MICU2: variants seen among roughly 807,000 people sequenced by gnomAD.
The protein encoded by MICU2 is calcium uptake protein 2, mitochondrial.
MICU2 carries 64 observed loss-of-function variants against 60.4 expected under a neutral mutation model. The ratio of observed to expected loss-of-function variants is 1.06; its 90% CI spans 0.87 to 1.31. MICU2 has a LOEUF of 1.31. Ranked by LOEUF, MICU2 falls within the 50% of genes most tolerant of loss-of-function variation. The probability of loss-of-function intolerance (pLI) is 0.00; values close to 1 mark genes in which losing one functional copy is unlikely to be tolerated. For synonymous variants in MICU2, 201 were observed against 175.0 expected (o/e 1.15, Z -1.17); for missense variants, 569 against 531.0 (o/e 1.07, Z -0.70).
chr13:21,503,036 A>G lies in MICU2; in HGVS notation c.823T>C (p.Leu275=), dbSNP rs1381216753. The change falls in exon 9 of 12, where the codon TTG becomes CTG. Residue 275 remains leucine (L), a synonymous_variant. Transcript: ENST00000382374. ...AAGTCTTCTTTTCTCATGAAACTCA[A>G]ACCTTTAGAAAACTGAAGGAATTCC... is the stretch of plus-strand genomic sequence containing the variant. ...EMEFLQFSKG[L]SFMRKEDFAE... is the part of the protein sequence containing the mutation. 1.2e-6 allele frequency: 2 copies of G among 1,608,732 alleles called. No homozygotes were observed. Among genetic ancestry groups the G allele is most frequent in the Non-Finnish European group, 1.7e-6 (2 of 1,178,472 alleles).
Position 21,521,335 on chromosome 13 carries a change from G to A in MICU2, c.515-8C>T, listed in dbSNP as rs1886712394. 6.2e-7 allele frequency: 1 copy of A among 1,601,420 alleles called. No homozygotes were observed. Among genetic ancestry groups the A allele is most frequent in the African/African-American group, 1.3e-5 (1 of 74,226 alleles). The stretch of plus-strand genomic sequence containing the variant: ...GAAATCCAGAATGGGGTTCTGCAGT[G>A]AAGTGAAAAATGAATATTTAAATGT... On this transcript the variant is annotated splice_region_variant and splice_polypyrimidine_tract_variant and intron_variant, in intron 5 of 11. Transcript: ENST00000382374.
At chr13:21,602,444 C>A (rs1021488398) in intron 1 of MICU2, among the ~76,000 whole-genome samples, 1 of 152,170 alleles carries the variant, frequency 6.6e-6, no homozygotes, top group Non-Finnish European at 1.5e-5. Context: ...ATGGCGTGAA[C>A]CCGGGAGGCG....
Position 21,514,381 on chromosome 13 carries a change from GTCA to G in MICU2, c.632_634del (p.Met211del), listed in dbSNP as rs746514244. 2 of 1,613,276 alleles carry G rather than the reference GTCA, an allele frequency of 1.2e-6. No individual in the cohort carries two copies. Among genetic ancestry groups the G allele is most frequent in the Admixed American group, 1.7e-5 (1 of 59,970 alleles). On this transcript the variant is annotated inframe_deletion, in exon 7 of 12. Coordinates refer to ENST00000382374, the MANE Select transcript of MICU2 (RefSeq NM_152726.3). ...ATATCCAGTTTCATTAGTTTTCACTGTCATCAAGTCATCTTGTTTACTTATGAT... is the reference window on the plus strand; with the variant it reads ...ATATCCAGTTTCATTAGTTTTCACTGTCAAGTCATCTTGTTTACTTATGAT...
chr13:21,544,742 T>A (rs2138008748), intron 2 of MICU2, among the ~76,000 whole-genome samples: 1 of 152,248 alleles, frequency 6.6e-6, no homozygotes, highest in Middle Eastern at 3.4e-3. Context: ...GTCCTCAACT[T>A]CCTGGGCTCA....
chr13:21,508,962 CTAGA>C lies in MICU2; in HGVS notation c.761+1038_761+1041del, dbSNP rs557380371. On this transcript the variant is annotated intron_variant, in intron 8 of 11. Coordinates refer to ENST00000382374, the MANE Select transcript of MICU2 (RefSeq NM_152726.3). ...ATTTAAATGTTTTTCTGCATGTTTACTAGATAGTTTCCAGTACTATCCCTAGTGT... is the reference window on the plus strand; with the variant it reads ...ATTTAAATGTTTTTCTGCATGTTTACTAGTTTCCAGTACTATCCCTAGTGT... Among the ~76,000 whole-genome samples, 32 of 152,310 alleles carry C rather than the reference CTAGA, an allele frequency of 2.1e-4. No individual in the cohort carries two copies. In the South Asian group the frequency reaches 6.2e-3, roughly 30 times the overall value.
At chr13:21,534,091 A>G (rs1887075091) in intron 4 of MICU2, among the ~76,000 whole-genome samples, 1 of 152,178 alleles carries the variant, frequency 6.6e-6, no homozygotes, top group Admixed American at 6.6e-5. Context: ...AAAAAAAAAA[A>G]AAGAGTTGAT....
At chr13:21,603,278 T>C (rs531895912) in intron 1 of MICU2, among the ~76,000 whole-genome samples, 10 of 152,290 alleles carry the variant, frequency 6.6e-5, no homozygotes, top group African/African-American at 2.2e-4. Context: ...GGCGGACTCT[T>C]GTCTTTAATA....
intron 1 of MICU2, among the ~76,000 whole-genome samples, chr13:21,570,090 A>C (rs1273010623): frequency 1.3e-5 from 2 of 152,224 alleles, no homozygotes; most frequent in Non-Finnish European, 2.9e-5. Context: ...TCCCTGGGCT[A>C]ACTGTTGTCC....
At chr13:21,530,317 ACC>A (rs995436005) in intron 4 of MICU2, among the ~76,000 whole-genome samples, 1 of 151,670 alleles carries the variant, frequency 6.6e-6, no homozygotes, top group Non-Finnish European at 1.5e-5. Context: ...TCCTTCCCTC[ACC>A]CCTTCCCCTC....
chr13:21,535,423 G>A (rs1239027749), intron 4 of MICU2, among the ~76,000 whole-genome samples: 1 of 152,050 alleles, frequency 6.6e-6, no homozygotes, highest in Non-Finnish European at 1.5e-5. Flanking sequence ...GTCTCAAAAT[G>A]CTTCCAGAAA....
At chr13:21,537,900 G>C (rs181701076) in intron 4 of MICU2, among the ~76,000 whole-genome samples, 82 of 152,250 alleles carry the variant, frequency 5.4e-4, no homozygotes, top group Middle Eastern at 3.4e-3. Flanking sequence ...TCCTGATACA[G>C]TGGGAAAGAC....
intron 2 of MICU2, among the ~76,000 whole-genome samples, chr13:21,554,877 G>A (rs1417673075): frequency 2.0e-5 from 3 of 152,248 alleles, no homozygotes; most frequent in Admixed American, 6.5e-5. Context: ...TACCATCAGA[G>A]AATACTATAA....
chr13:21,559,531 T>G (rs1361063077), intron 2 of MICU2, among the ~76,000 whole-genome samples: 2 of 148,588 alleles, frequency 1.3e-5, no homozygotes, highest in East Asian at 3.9e-4. Flanking sequence ...TTTCTTTTCT[T>G]TTTTTTTTTT....
chr13:21,525,984 G>T (rs1566147765), intron 4 of MICU2, among the ~76,000 whole-genome samples: 2 of 151,572 alleles, frequency 1.3e-5, no homozygotes, highest in East Asian at 3.9e-4. Context: ...TCCCGGGCTG[G>T]AGTACAGTGG....
At chr13:21,565,615 G>A (rs777504356) in intron 2 of MICU2, among the ~76,000 whole-genome samples, 8 of 152,230 alleles carry the variant, frequency 5.3e-5, no homozygotes, top group Non-Finnish European at 7.3e-5. Context: ...CCAAGATCGC[G>A]CCACTGCACT....
At chr13:21,569,515 TATTA>T (rs1888058702) in intron 1 of MICU2, among the ~76,000 whole-genome samples, 1 of 152,108 alleles carries the variant, frequency 6.6e-6, no homozygotes, top group Non-Finnish European at 1.5e-5. Flanking sequence ...CATCTCCTAC[TATTA>T]GTCTTTCTGT....
rs1048151015 is a variant in MICU2 at position 21,493,343 on chromosome 13, T to C, written c.1211A>G (p.His404Arg). The change falls in exon 12 of 12, where the codon CAT becomes CGT. Residue 404 changes from histidine to arginine, a missense_variant. His to Arg is a conservative substitution (Grantham distance 29). Transcript: ENST00000382374. ...RMHRGLWVPQ[H>R]QSIQEYWKCV... ...CTTCCAGTATTCTTGTATACTCTGA[T>C]GTTGTGGTACCTGTTAACCGAAAGT... 6.2e-7 allele frequency: 1 copy of C among 1,604,976 alleles called. No homozygotes were observed. Among genetic ancestry groups the C allele is most frequent in the Non-Finnish European group, 8.5e-7 (1 of 1,176,664 alleles).
intron 4 of MICU2, among the ~76,000 whole-genome samples, chr13:21,524,316 G>C (rs1034108691): frequency 1.3e-5 from 2 of 151,916 alleles, no homozygotes. Context: ...GGCAGGTCTT[G>C]CTTTATCTAT....
At chr13:21,596,771 T>A (rs988696695) in intron 1 of MICU2, among the ~76,000 whole-genome samples, 1 of 152,138 alleles carries the variant, frequency 6.6e-6, no homozygotes, top group Non-Finnish European at 1.5e-5. Flanking sequence ...AAACACATAG[T>A]ATGTAAACCA....
Sources: allele counts gnomAD v4.1 joint callset (sites outside exome capture counted in the v4.1 genomes callset), GRCh38; gene constraint gnomAD v4.1.1; transcripts MANE v1.5; gene names NCBI Gene and HGNC (gene_info 2026-07-23, HGNC 2026-07-21).